Variants in PARPBP observed in about 807,000 individuals in gnomAD.
The protein encoded by PARPBP is PARP1 binding protein, also known as PCNA-interacting partner.
PARPBP carries 52 observed loss-of-function variants against 50.0 expected under a neutral mutation model. The observed-to-expected ratio is 1.04, with a 90% CI of 0.83 to 1.31. The LOEUF is 1.31. Ranked by LOEUF, PARPBP falls within the 50% of genes most tolerant of loss-of-function variation. PARPBP has a pLI of 0.00. For missense variants in PARPBP, 697 were observed against 672.0 expected, an observed-to-expected ratio of 1.04 and a Z score of -0.41; for synonymous variants, 244 against 232.1, an observed-to-expected ratio of 1.05 and a Z score of -0.47.
chr12:102,195,800 G>A (rs1891251648), intron 10 of PARPBP, 151 bp from the exon 11 acceptor site: 2 of 585,612 alleles, frequency 3.4e-6, no homozygotes, highest in Admixed American at 3.6e-5. Flanking sequence ...TAGTAATGTA[G>A]CTATATTTGT....
At chr12:102,157,080 C>G (rs998350044) in intron 4 of PARPBP, among the ~76,000 whole-genome samples, 4 of 152,080 alleles carry the variant, frequency 2.6e-5, no homozygotes, top group Non-Finnish European at 5.9e-5. Flanking sequence ...TCTATATGTC[C>G]CATGTTAAAT....
chr12:102,164,452 A>G lies in PARPBP; in HGVS notation c.510A>G (p.Ala170=), dbSNP rs1014038884. The part of the protein sequence containing the change: ...NRDNEKVQLL[A]RKIIFSYLNL... Reference sequence around the variant, plus strand: ...TTATTGCACAGGTGCAGCTGCTAGCAAGGAAAATTATCTTTTCATATTTAA... The same window carrying G: ...TTATTGCACAGGTGCAGCTGCTAGCGAGGAAAATTATCTTTTCATATTTAA... The change falls in exon 5 of 11, where the codon GCA becomes GCG. Residue 170 remains alanine, a synonymous_variant. Coordinates refer to ENST00000327680, the MANE Select transcript of PARPBP (RefSeq NM_017915.5). 3.1e-6 allele frequency: 5 copies of G among 1,612,014 alleles called. No individual in the cohort carries two copies. The highest frequency in any genetic ancestry group is 4.2e-6 in the Non-Finnish European group (5 of 1,178,494).
chr12:102,165,881 A>G lies in PARPBP; in HGVS notation c.819A>G (p.Pro273=). The part of the protein sequence containing the change: ...LDEILGEIPN[P]SIAGGQILSV... ...AGATTCTTGGAGAAATACCAAACCC[A>G]AGGTAATGACTTTTCATATATTACA... Residue 273 remains proline, a splice_region_variant and synonymous_variant, in exon 6 of 11, where the codon CCA becomes CCG. Transcript: ENST00000327680. 6.6e-7 allele frequency: 1 copy of G among 1,524,560 alleles called. No individual in the cohort carries two copies. Among genetic ancestry groups the G allele is most frequent in the Non-Finnish European group, 9.0e-7 (1 of 1,106,612 alleles). The allele number at this position is 1,524,560 out of a possible 1,614,324, so 94.4% of individuals were successfully genotyped here.
At chr12:102,133,588 C>T (rs920256643) in intron 2 of PARPBP, among the ~76,000 whole-genome samples, 2 of 151,720 alleles carry the variant, frequency 1.3e-5, no homozygotes, top group African/African-American at 4.8e-5. Context: ...ATATTGTCCT[C>T]TAATTTTTTT....
intron 7 of PARPBP, among the ~76,000 whole-genome samples, chr12:102,177,795 A>T (rs1889424089): frequency 6.6e-6 from 1 of 152,198 alleles, no homozygotes; most frequent in African/African-American, 2.4e-5. Flanking sequence ...ACTTCTTGGC[A>T]TGATATACAA....
At chr12:102,164,743 G>A (rs552028767) in intron 5 of PARPBP, 135 bp downstream of exon 5, 36 of 740,274 alleles carry the variant, frequency 4.9e-5, no homozygotes, top group Non-Finnish European at 8.2e-5. Flanking sequence ...AAAATCCATG[G>A]TATTTTAATT....
chr12:102,147,199 A>C (rs1328711336), intron 2 of PARPBP, among the ~76,000 whole-genome samples: 1 of 152,238 alleles, frequency 6.6e-6, no homozygotes, highest in African/African-American at 2.4e-5. Context: ...CATTTGACCC[A>C]GCCATCCCAT....
intron 2 of PARPBP, among the ~76,000 whole-genome samples, chr12:102,133,144 T>C (rs1883117693): frequency 6.6e-6 from 1 of 152,180 alleles, no homozygotes; most frequent in South Asian, 2.1e-4. Flanking sequence ...TGTTTCTTTT[T>C]CTTACCTAAC....
chr12:102,194,925 G>A (rs1016089747), intron 9 of PARPBP, among the ~76,000 whole-genome samples: 1 of 151,188 alleles, frequency 6.6e-6, no homozygotes, highest in African/African-American at 2.4e-5. Flanking sequence ...TTCTTAGGAT[G>A]AAGAACTTGT....
chr12:102,151,223 A>G (rs2138873968), intron 3 of PARPBP, among the ~76,000 whole-genome samples: 1 of 152,226 alleles, frequency 6.6e-6, no homozygotes, highest in East Asian at 1.9e-4. Flanking sequence ...TCAACATAAA[A>G]CTATGGATCT....
chr12:102,137,789 A>G (rs1883884650), intron 2 of PARPBP, among the ~76,000 whole-genome samples: 1 of 152,108 alleles, frequency 6.6e-6, no homozygotes, highest in African/African-American at 2.4e-5. Context: ...TTTGCTCGGA[A>G]TGATGGTTTC....
intron 9 of PARPBP, among the ~76,000 whole-genome samples, chr12:102,187,257 G>A (rs770668674): frequency 4.7e-4 from 72 of 152,172 alleles, no homozygotes; most frequent in Non-Finnish European, 5.9e-4. Context: ...ACTTTAGTTA[G>A]TCCTAGTCCC....
In PARPBP at chr12:102,197,266, A is replaced by T; in HGVS notation, c.*975A>T. Reference sequence around the variant, plus strand: ...TATTCTTGTTGATCAATTCAAAGTTACTCTGCACTGTTTTTGACTTTTTAA... The same window carrying T: ...TATTCTTGTTGATCAATTCAAAGTTTCTCTGCACTGTTTTTGACTTTTTAA... On this transcript the variant is annotated 3_prime_UTR_variant, in exon 11 of 11. Coordinates refer to ENST00000327680, the MANE Select transcript of PARPBP (RefSeq NM_017915.5). 1 of 1,062,434 alleles carries T rather than the reference A, an allele frequency of 9.4e-7. No homozygotes were observed. Among genetic ancestry groups the T allele is most frequent in the Non-Finnish European group, 1.4e-6 (1 of 733,324 alleles). 65.8% of individuals were successfully genotyped at this position (1,062,434 alleles called of 1,614,324 possible).
At chr12:102,172,721 G>A (rs1423889831) in intron 6 of PARPBP, among the ~76,000 whole-genome samples, 2 of 152,124 alleles carry the variant, frequency 1.3e-5, no homozygotes, top group African/African-American at 4.8e-5. Flanking sequence ...ATGAGAAAAG[G>A]AGGTCAAAGG....
rs192640426 is a variant in PARPBP, at chr12:102,197,492, A to G, written c.*1201A>G. ...GTAAGAATCATTTAAATTTTCATTG[A>G]AATAAACGACAAGTCACATTGCCAC... On this transcript the variant is annotated 3_prime_UTR_variant, in exon 11 of 11. Coordinates refer to ENST00000327680, the MANE Select transcript of PARPBP (RefSeq NM_017915.5). 6.4e-7 allele frequency: 1 copy of G among 1,561,542 alleles called. No homozygotes were observed. The highest frequency in any genetic ancestry group is 8.6e-7 in the Non-Finnish European group (1 of 1,157,392).
intron 6 of PARPBP, among the ~76,000 whole-genome samples, chr12:102,173,069 C>T (rs1433991224): frequency 6.6e-6 from 1 of 151,992 alleles, no homozygotes; most frequent in African/African-American, 2.4e-5. Context: ...TTCTTAAATG[C>T]GTTGGTAAGT....
chr12:102,134,227 AAG>A (rs1883285932), intron 2 of PARPBP, among the ~76,000 whole-genome samples: 1 of 148,574 alleles, frequency 6.7e-6, no homozygotes, highest in Non-Finnish European at 1.5e-5. Flanking sequence ...AGTAAGAAAA[AAG>A]AGAAGCCTCA....
chr12:102,190,720 G>A (rs765776655), intron 9 of PARPBP, among the ~76,000 whole-genome samples: 1 of 152,116 alleles, frequency 6.6e-6, no homozygotes, highest in African/African-American at 2.4e-5. Flanking sequence ...GACCACAGCT[G>A]GCCATCAGTT....
At position 102,164,743 on chromosome 12, in the gene PARPBP, G is replaced by C. The variant is rs552028767; in HGVS notation, c.666+135G>C. 2.6e-5 allele frequency: 19 copies of C among 740,392 alleles called. No homozygotes were observed. In the South Asian group the frequency reaches 2.9e-4, roughly 11 times the overall value. 45.9% of individuals were successfully genotyped at this position (740,392 alleles called of 1,614,324 possible). On this transcript the variant is annotated intron_variant, in intron 5 of 10. Coordinates refer to ENST00000327680, the MANE Select transcript of PARPBP (RefSeq NM_017915.5). ...CTACCTCTGTATTTGAAAATCCATG[G>C]TATTTTAATTTTTTACCATATCGTT...
Sources: allele counts gnomAD v4.1 joint callset (sites outside exome capture counted in the v4.1 genomes callset), GRCh38; gene constraint gnomAD v4.1.1; transcripts MANE v1.5; gene names NCBI Gene and HGNC (gene_info 2026-07-23, HGNC 2026-07-21).